The following PCDHGA4 variants were observed in gnomAD, a reference collection of about 807,000 sequenced individuals.
PCDHGA4 encodes the protein protocadherin gamma subfamily A, 4, also known as protocadherin gamma-A4.
PCDHGA4 carries 38 observed loss-of-function variants against 54.6 expected under a neutral mutation model. The ratio of observed to expected loss-of-function variants is 0.70; its 90% CI spans 0.54 to 0.91. The LOEUF is 0.91. Among genes scored for constraint, PCDHGA4 ranks in the 40% least tolerant of loss-of-function variants. The pLI is 0.00. For synonymous variants in PCDHGA4, 511 were observed against 512.9 expected, an observed-to-expected ratio of 1.00 and a Z score of 0.05; for missense variants, 1,298 against 1,220.9, an observed-to-expected ratio of 1.06 and a Z score of -0.94.
At chr5:141,506,829 T>C (rs1449718553) in intron 3 of PCDHGA4, among the ~76,000 whole-genome samples, 1 of 152,182 alleles carries the variant, frequency 6.6e-6, no homozygotes, top group African/African-American at 2.4e-5. Context: ...CATGAACTGA[T>C]AGCCCTGCCC....
chr5:141,408,313 T>C, intron 1 of PCDHGA4: 1 of 1,613,758 alleles, frequency 6.2e-7, no homozygotes, highest in South Asian at 1.1e-5. Context: ...GCTACTCGAT[T>C]CCGGAGGAGC....
In PCDHGA4 at chr5:141,356,833, A is replaced by G; in HGVS notation, c.1726A>G (p.Asn576Asp). The change falls in exon 1 of 4, where the codon AAT (asparagine) becomes GAT (aspartate). Residue 576 changes from asparagine (N) to aspartate (D), a missense_variant. By Grantham distance (23) the Asn-to-Asp change is conservative. Coordinates refer to ENST00000571252, the MANE Select transcript of PCDHGA4 (RefSeq NM_018917.4). ...SDSGDPPLSS[N>D]VSLSLFVLDQ... ...CAGTGGAGACCCTCCACTCAGCAGCAATGTGTCACTGAGCCTCTTTGTGCT... is the reference window on the plus strand; with the variant it reads ...CAGTGGAGACCCTCCACTCAGCAGCGATGTGTCACTGAGCCTCTTTGTGCT... The G allele has an allele frequency of 6.2e-7, 1 of 1,614,124 alleles. No individual in the cohort carries two copies. The highest frequency in any genetic ancestry group is 1.1e-5 in the South Asian group (1 of 91,084).
rs552017054 is a variant in PCDHGA4 at position 141,425,594 on chromosome 5, A to G, written c.2514+67973A>G. On this transcript the variant is annotated intron_variant, in intron 1 of 3. Transcript: ENST00000571252. ...GGGTTTGGCTAACTTTATTCTGAAT[A>G]TGCCCTATATAGCTTTCAGTGCTCC... 2.6e-5 allele frequency among the ~76,000 whole-genome samples: 4 copies of G among 152,370 alleles called. No homozygotes were observed. In the South Asian group the frequency reaches 8.3e-4, roughly 32 times the overall value.
At chr5:141,456,897 A>G (rs1351271896) in intron 1 of PCDHGA4, among the ~76,000 whole-genome samples, 2 of 152,178 alleles carry the variant, frequency 1.3e-5, no homozygotes, top group Admixed American at 1.3e-4. Context: ...CGGGAGGCAG[A>G]GGTTGCAGTG....
At chr5:141,410,281 G>A (rs368378842) in intron 1 of PCDHGA4, 33 of 1,613,938 alleles carry the variant, frequency 2.0e-5, no homozygotes, top group Non-Finnish European at 2.0e-5. Context: ...TTTACCTGGT[G>A]GTGGCCTTGG....
At chr5:141,388,619 C>T (rs369637121) in intron 1 of PCDHGA4, 3 of 1,613,852 alleles carry the variant, frequency 1.9e-6, no homozygotes, top group Non-Finnish European at 2.5e-6. Context: ...TCAGTCAAGA[C>T]GTATACAGGG....
Position 141,375,092 on chromosome 5 carries a change from A to G in PCDHGA4, c.2514+17471A>G, listed in dbSNP as rs775722663. On this transcript the variant is annotated intron_variant, in intron 1 of 3. Coordinates refer to ENST00000571252, the MANE Select transcript of PCDHGA4 (RefSeq NM_018917.4). ...AGACAGAGCGAAAGTCTTAATAACT[A>G]TCTTGGATGTCAATGATAATGTACC... 20 of 1,613,866 alleles carry G rather than the reference A, an allele frequency of 1.2e-5. No individual in the cohort carries two copies. In the Middle Eastern group the frequency reaches 6.6e-4, roughly 53 times the overall value.
rs2154591356 is a variant in PCDHGA4, at chr5:141,493,972, C to G, written c.2515-835C>G. Among the ~76,000 whole-genome samples, 6 of 152,276 alleles carry G rather than the reference C, an allele frequency of 3.9e-5. No homozygotes were observed. In the Middle Eastern group the frequency reaches 0.014, roughly 345 times the overall value. On this transcript the variant is annotated intron_variant, in intron 1 of 3. Coordinates refer to ENST00000571252, the MANE Select transcript of PCDHGA4 (RefSeq NM_018917.4). This position sits in a 1 kb window ranked among gnomAD's most constrained non-coding sequence, Gnocchi z 4.3. ...CAGGAATGAAGTGGCTGGCCAGAGC[C>G]CCACACCTTCAGCTAGGTGGGAGAT...
At chr5:141,494,268 C>G (rs576129333) in intron 1 of PCDHGA4, among the ~76,000 whole-genome samples, 31 of 152,288 alleles carry the variant, frequency 2.0e-4, no homozygotes, top group African/African-American at 7.2e-4. Flanking sequence ...TTCTTGCAAG[C>G]CAAGGGCCCA....
intron 1 of PCDHGA4, chr5:141,421,041 C>G (rs963777669): frequency 5.5e-6 from 3 of 546,514 alleles, no homozygotes; most frequent in Non-Finnish European, 9.5e-6. Context: ...TCCCTCCCTC[C>G]CCCGCCTCTA....
chr5:141,480,816 G>A (rs1400500941), intron 1 of PCDHGA4, among the ~76,000 whole-genome samples: 4 of 152,208 alleles, frequency 2.6e-5, no homozygotes, highest in Admixed American at 2.0e-4. Flanking sequence ...GGAGGCTGAG[G>A]TGGGTGGATC....
chr5:141,418,523 C>T (rs2096266495), intron 1 of PCDHGA4: 1 of 1,613,958 alleles, frequency 6.2e-7, no homozygotes, highest in Non-Finnish European at 8.5e-7. Context: ...GGACCCTCCC[C>T]GAAGCGGTAC....
intron 2 of PCDHGA4, among the ~76,000 whole-genome samples, chr5:141,500,333 A>G (rs1237684682): frequency 6.6e-6 from 1 of 151,336 alleles, no homozygotes; most frequent in Non-Finnish European, 1.5e-5. Context: ...CTCAGCCTCC[A>G]GAATAGCTGG....
In PCDHGA4 at chr5:141,491,797, G is replaced by T. The variant is rs537755017; in HGVS notation, c.2515-3010G>T. The stretch of plus-strand genomic sequence containing the variant: ...ATTGAACTTGCATCCACTCCTCTCC[G>T]GCCGGCTTGGTCGCTGGCTGCGCTC... On this transcript the variant is annotated intron_variant, in intron 1 of 3. Coordinates refer to ENST00000571252, the MANE Select transcript of PCDHGA4 (RefSeq NM_018917.4). The surrounding 1 kb of genome is among the most constrained non-coding windows in gnomAD (Gnocchi z 6.9). 2.0e-6 allele frequency: 3 copies of T among 1,506,818 alleles called. No homozygotes were observed. The highest frequency in any genetic ancestry group is 2.4e-5 in the Admixed American group (1 of 41,734). 93.3% of individuals were successfully genotyped at this position (1,506,818 alleles called of 1,614,324 possible). A position where few individuals can be genotyped will look rare whatever the true frequency, so the allele number is the denominator to read the frequency against.
intron 1 of PCDHGA4, chr5:141,405,463 A>C: frequency 8.5e-7 from 1 of 1,181,354 alleles, no homozygotes. Flanking sequence ...TCTGTTACCC[A>C]GGCTGGAATG....
Position 141,485,465 on chromosome 5 carries a change from C to T in PCDHGA4, c.2515-9342C>T. ...AATCGACCGAGAGGCACTGTGTGGG[C>T]TCAGTGCCAGCTGCATCGTGCCCCT... On this transcript the variant is annotated intron_variant, in intron 1 of 3. Coordinates refer to ENST00000571252, the MANE Select transcript of PCDHGA4 (RefSeq NM_018917.4). This position sits in a 1 kb window ranked among gnomAD's most constrained non-coding sequence, Gnocchi z 5.7. 6.2e-7 allele frequency: 1 copy of T among 1,614,162 alleles called. No homozygotes were observed.
chr5:141,361,403 C>G (rs376882541), intron 1 of PCDHGA4: 10 of 1,613,932 alleles, frequency 6.2e-6, no homozygotes, highest in Non-Finnish European at 7.6e-6. Context: ...CTCACCATCA[C>G]AGCCACCGAC....
intron 1 of PCDHGA4, chr5:141,370,851 G>C (rs903944197): frequency 6.2e-7 from 1 of 1,614,018 alleles, no homozygotes; most frequent in South Asian, 1.1e-5. Context: ...AGCCACATTT[G>C]CCCTGGAATC....
intron 1 of PCDHGA4, chr5:141,418,409 G>A (rs2096254230): frequency 6.2e-7 from 1 of 1,613,792 alleles, no homozygotes; most frequent in African/African-American, 1.3e-5. Context: ...GGTGGAGAAA[G>A]ACAATCCTGA....
Sources: allele counts gnomAD v4.1 joint callset (sites outside exome capture counted in the v4.1 genomes callset), GRCh38; gene constraint gnomAD v4.1.1; non-coding constraint Gnocchi (gnomAD v3.1); transcripts MANE v1.5; gene names NCBI Gene and HGNC (gene_info 2026-07-23, HGNC 2026-07-21).